Variants in ORC4 observed in about 807,000 individuals in gnomAD.
ORC4 encodes the protein origin recognition complex, subunit 4 homolog.
Under a neutral mutation model 63.9 loss-of-function variants are expected in ORC4, and 55 were observed. The ratio of observed to expected loss-of-function variants is 0.86; its 90% CI spans 0.69 to 1.08. The LOEUF is 1.08. Among genes scored for constraint, ORC4 ranks in the 50% least tolerant of loss-of-function variants. ORC4 has a pLI of 0.00. For missense variants in ORC4, 511 were observed against 504.4 expected (o/e 1.01, Z -0.13); for synonymous variants, 150 against 168.5 (o/e 0.89, Z 0.85).
At chr2:148,018,081 C>G (rs1332373868) in intron 1 of ORC4, among the ~76,000 whole-genome samples, 1 of 151,842 alleles carries the variant, frequency 6.6e-6, no homozygotes, top group Non-Finnish European at 1.5e-5. Context: ...AAACAGACAA[C>G]CCAATTAAAA....
At position 147,932,296 on chromosome 2, in the gene ORC4, A is replaced by C. The variant is rs1687811233; in HGVS notation, c.*3214T>G. ...GAGAACTACAAGCTACTGCTCAAGG[A>C]AATAAAAGAGGATACAAACAAATGG... On this transcript the variant is annotated 3_prime_UTR_variant, in exon 14 of 14. Transcript: ENST00000392857. The C allele has an allele frequency of 1.3e-5, 2 of 152,102 alleles. No individual in the cohort carries two copies. The highest frequency in any genetic ancestry group is 2.9e-5 in the Non-Finnish European group (2 of 68,036). The allele number at this position is 152,102 out of a possible 1,614,324, so 9.4% of individuals were successfully genotyped here. A position where few individuals can be genotyped will look rare whatever the true frequency, so the allele number is the denominator to read the frequency against.
chr2:147,999,151 A>G (rs1449600984), intron 1 of ORC4, among the ~76,000 whole-genome samples: 1 of 152,212 alleles, frequency 6.6e-6, no homozygotes, highest in Non-Finnish European at 1.5e-5. Context: ...ACCATTTCTA[A>G]AAGACTTGCA....
chr2:148,005,652 C>A (rs1479508507), intron 1 of ORC4, among the ~76,000 whole-genome samples: 4 of 91,986 alleles, frequency 4.3e-5, no homozygotes, highest in Non-Finnish European at 8.1e-5. Flanking sequence ...AACAACTATC[C>A]ATGCAAAAAA....
At chr2:148,003,187 A>G (rs1692420876) in intron 1 of ORC4, among the ~76,000 whole-genome samples, 1 of 152,350 alleles carries the variant, frequency 6.6e-6, no homozygotes. Context: ...AGAGGTACAA[A>G]GCGGAGCTGG....
At chr2:148,011,269 A>T (rs868640995) in intron 1 of ORC4, among the ~76,000 whole-genome samples, 17 of 152,226 alleles carry the variant, frequency 1.1e-4, no homozygotes, top group Non-Finnish European at 1.9e-4. Flanking sequence ...CATTAAAAAG[A>T]TCATCATAAT....
At chr2:148,010,397 T>A (rs1692890481) in intron 1 of ORC4, among the ~76,000 whole-genome samples, 1 of 149,648 alleles carries the variant, frequency 6.7e-6, no homozygotes, top group African/African-American at 2.5e-5. Context: ...ATAGAAAAGA[T>A]CAATGAAATG....
At chr2:147,944,388 A>G (rs1688541016) in intron 9 of ORC4, among the ~76,000 whole-genome samples, 1 of 152,132 alleles carries the variant, frequency 6.6e-6, no homozygotes, top group African/African-American at 2.4e-5. Flanking sequence ...GTAGAGATCT[A>G]GAAAACAAGG....
chr2:148,002,623 G>A (rs1028016207), intron 1 of ORC4, among the ~76,000 whole-genome samples: 13 of 152,018 alleles, frequency 8.6e-5, no homozygotes, highest in African/African-American at 2.7e-4. Context: ...GTGTGTAGAG[G>A]GAAATTTATA....
intron 4 of ORC4, among the ~76,000 whole-genome samples, chr2:147,962,381 G>T (rs1689648487): frequency 6.6e-6 from 1 of 152,114 alleles, no homozygotes; most frequent in Non-Finnish European, 1.5e-5. Context: ...AGGCCAACCT[G>T]CCCTGCTGCA....
chr2:147,954,865 A>G (rs1689155142), intron 7 of ORC4, among the ~76,000 whole-genome samples: 1 of 152,106 alleles, frequency 6.6e-6, no homozygotes, highest in South Asian at 2.1e-4. Context: ...GGTAGTTTTT[A>G]AATGTTAAAG....
intron 1 of ORC4, among the ~76,000 whole-genome samples, chr2:147,995,208 T>C (rs1464236376): frequency 6.6e-6 from 1 of 151,274 alleles, no homozygotes; most frequent in African/African-American, 2.4e-5. Context: ...ATCAGCACTC[T>C]ATAAAAACGC....
chr2:147,997,989 T>TA (rs1041450138), intron 1 of ORC4, among the ~76,000 whole-genome samples: 21 of 152,242 alleles, frequency 1.4e-4, no homozygotes, highest in African/African-American at 5.1e-4. Context: ...TGGACATAAT[T>TA]AAAAAAACAC....
At chr2:147,935,744 G>C in intron 13 of ORC4, 46 bp from the exon 14 acceptor site, 1 of 1,460,564 alleles carries the variant, frequency 6.8e-7, no homozygotes, top group Non-Finnish European at 9.6e-7. Context: ...AGAGGAGAGT[G>C]ACAACTCTCC....
chr2:147,936,063 C>T (rs1688035259), intron 13 of ORC4, among the ~76,000 whole-genome samples: 1 of 152,172 alleles, frequency 6.6e-6, no homozygotes, highest in Non-Finnish European at 1.5e-5. Context: ...ATAAGACTTT[C>T]TGATCAATTC....
At chr2:148,021,469 CTGCTGCTGCTGT>C (rs1693720469), upstream of ORC4, 3 of 578,294 alleles carry the variant, frequency 5.2e-6, no homozygotes, top group African/African-American at 3.8e-5. Context: ...GCTGTTGCTG[CTGCTGCTGCTGT>C]TGCTGCTGCT....
chr2:148,018,107 C>G (rs1029219492), intron 1 of ORC4, among the ~76,000 whole-genome samples: 1 of 151,866 alleles, frequency 6.6e-6, no homozygotes, highest in African/African-American at 2.4e-5. Flanking sequence ...AACAAACAAA[C>G]AAAAAAACCT....
chr2:148,013,015 A>G (rs1188249400), intron 1 of ORC4, among the ~76,000 whole-genome samples: 1 of 152,210 alleles, frequency 6.6e-6, no homozygotes, highest in Non-Finnish European at 1.5e-5. Flanking sequence ...CACAGTCACA[A>G]CAGAGAACAG....
intron 8 of ORC4, 141 bp from the exon 9 acceptor site, chr2:147,948,365 A>G (rs1223029902): frequency 6.7e-6 from 4 of 593,512 alleles, no homozygotes; most frequent in African/African-American, 3.8e-5. Flanking sequence ...AAACATTTAA[A>G]ACATTTTATG....
intron 1 of ORC4, among the ~76,000 whole-genome samples, chr2:147,983,268 T>C (rs549737707): frequency 9.2e-5 from 14 of 152,340 alleles, no homozygotes; most frequent in African/African-American, 2.9e-4. Flanking sequence ...GTAACACGTA[T>C]GTTCATGATA....
Sources: gnomAD v4.1 joint callset for allele counts (sites outside exome capture counted in the v4.1 genomes callset) on GRCh38, gnomAD v4.1.1 for gene constraint, MANE v1.5 for transcripts, NCBI Gene and HGNC (gene_info 2026-07-23, HGNC 2026-07-21) for gene names.